TFCP2: variants seen among roughly 807,000 people sequenced by gnomAD.
TFCP2 encodes transcription factor CP2, also known as alpha-globin transcription factor CP2.
TFCP2 carries 33 observed loss-of-function variants against 73.4 expected under a neutral mutation model. That is an observed-to-expected ratio of 0.45 (90% CI 0.34 to 0.60). The LOEUF (loss-of-function observed/expected upper bound fraction) is 0.60. Among genes scored for constraint, TFCP2 ranks in the 20% least tolerant of loss-of-function variants. The pLI, the probability that TFCP2 is intolerant of heterozygous loss-of-function variation, is 0.01. For synonymous variants in TFCP2, 193 were observed against 211.6 expected (o/e 0.91, Z 0.76); for missense variants, 352 against 604.0 (o/e 0.58, Z 4.37).
intron 6 of TFCP2, among the ~76,000 whole-genome samples, chr12:51,108,602 C>T (rs184450461): frequency 5.3e-5 from 8 of 152,002 alleles, no homozygotes; most frequent in African/African-American, 1.7e-4. Context: ...GGCAAGACCC[C>T]CTCTCTATAA....
In TFCP2 at chr12:51,132,662, C is replaced by T. The variant is rs186264642; in HGVS notation, c.123-13890G>A. Among the ~76,000 whole-genome samples the T allele has an allele frequency of 1.4e-3, 217 of 152,154 alleles. 1 individual carries two copies. In the Middle Eastern group the frequency reaches 0.024, roughly 17 times the overall value. On this transcript the variant is annotated intron_variant, in intron 1 of 14. Coordinates refer to ENST00000257915, the MANE Select transcript of TFCP2 (RefSeq NM_005653.5). ...GGGATTACAGGCATGAGCCACCGTG[C>T]CCGGCCGGGTCTAGTCTTTAAGAAG...
intron 1 of TFCP2, among the ~76,000 whole-genome samples, chr12:51,128,186 T>C (rs1171044154): frequency 1.3e-5 from 2 of 152,078 alleles, no homozygotes; most frequent in Admixed American, 1.3e-4. Flanking sequence ...CCCAAAGTGC[T>C]GGGATTGCAG....
chr12:51,141,072 A>T (rs550657368), intron 1 of TFCP2, among the ~76,000 whole-genome samples: 80 of 141,864 alleles, frequency 5.6e-4, no homozygotes, highest in African/African-American at 2.1e-3. Flanking sequence ...ACAAATAATG[A>T]TAATAATAAT....
intron 1 of TFCP2, among the ~76,000 whole-genome samples, chr12:51,168,947 A>C (rs1302608206): frequency 6.6e-6 from 1 of 151,822 alleles, no homozygotes; most frequent in African/African-American, 2.4e-5. Context: ...GATTACAGGC[A>C]TGCACCACCA....
At chr12:51,148,115 A>G (rs1941337275) in intron 1 of TFCP2, among the ~76,000 whole-genome samples, 1 of 152,144 alleles carries the variant, frequency 6.6e-6, no homozygotes, top group Non-Finnish European at 1.5e-5. Flanking sequence ...GAATAGCCAT[A>G]ATCAAAAAAT....
At chr12:51,096,924 G>T (rs1212308519) in intron 13 of TFCP2, among the ~76,000 whole-genome samples, 1 of 151,546 alleles carries the variant, frequency 6.6e-6, no homozygotes, top group Non-Finnish European at 1.5e-5. Flanking sequence ...CAATTTCATC[G>T]AACTCATTCA....
intron 1 of TFCP2, among the ~76,000 whole-genome samples, chr12:51,126,270 A>T (rs992726886): frequency 6.6e-6 from 1 of 151,764 alleles, no homozygotes; most frequent in African/African-American, 2.4e-5. Flanking sequence ...AAGATATAGA[A>T]ATCATACCTG....
chr12:51,110,857 C>A lies in TFCP2; in HGVS notation c.564+20G>T. 2 of 1,523,662 alleles carry A rather than the reference C, an allele frequency of 1.3e-6. No individual in the cohort carries two copies. The highest frequency in any genetic ancestry group is 1.8e-6 in the Non-Finnish European group (2 of 1,098,446). 94.4% of individuals were successfully genotyped at this position (1,523,662 alleles called of 1,614,324 possible). ...AGAGAGATACTCTTCAAAACTGGAA[C>A]CCTATCTGCAACGCCTTACCTGAAT... On this transcript the variant is annotated intron_variant, in intron 5 of 14. Coordinates refer to ENST00000257915, the MANE Select transcript of TFCP2 (RefSeq NM_005653.5).
At chr12:51,116,244 T>C (rs1332085843) in intron 4 of TFCP2, 71 bp downstream of exon 4, 2 of 727,946 alleles carry the variant, frequency 2.7e-6, no homozygotes, top group African/African-American at 1.8e-5. Context: ...AAGGTAAATG[T>C]CAAATAAAGA....
chr12:51,160,495 GA>G (rs1238300516), intron 1 of TFCP2, among the ~76,000 whole-genome samples: 1 of 151,748 alleles, frequency 6.6e-6, no homozygotes, highest in Non-Finnish European at 1.5e-5. Context: ...TCTTTTAAGT[GA>G]AAAAAACATA....
chr12:51,109,372 CATT>C, intron 5 of TFCP2, 99 bp from the exon 6 acceptor site: 1 of 1,207,152 alleles, frequency 8.3e-7, no homozygotes, highest in Admixed American at 2.1e-5. Flanking sequence ...CTTTACCAGG[CATT>C]ATGAATACCT....
intron 1 of TFCP2, among the ~76,000 whole-genome samples, chr12:51,128,979 C>A (rs1464783263): frequency 6.6e-6 from 1 of 151,950 alleles, no homozygotes; most frequent in African/African-American, 2.4e-5. Flanking sequence ...AATATAAAGT[C>A]ATAAGCTTAG....
chr12:51,110,905 G>A lies in TFCP2; in HGVS notation c.536C>T (p.Pro179Leu). 2 of 1,613,934 alleles carry A rather than the reference G, an allele frequency of 1.2e-6. No homozygotes were observed. The highest frequency in any genetic ancestry group is 2.2e-5 in the South Asian group (2 of 91,070). Residue 179 changes from proline to leucine, a missense_variant, in exon 5 of 15, where the codon CCT (proline) becomes CTT (leucine). This residue lies in a region of TFCP2 where 31 missense variants were observed against 43.7 expected (regional missense o/e 0.71). Transcript: ENST00000257915. ...AATAAACACAGATGTCCTCTTTGCAGGGTCCCACAGGAACTCCACTGTATT... is the reference window on the plus strand; with the variant it reads ...AATAAACACAGATGTCCTCTTTGCAAGGTCCCACAGGAACTCCACTGTATT... Reference protein sequence around the residue: ...QLNTVEFLWDPAKRTSVFIQV... With the variant: ...QLNTVEFLWDLAKRTSVFIQV...
chr12:51,143,836 T>G (rs1356638786), intron 1 of TFCP2, among the ~76,000 whole-genome samples: 1 of 152,090 alleles, frequency 6.6e-6, no homozygotes, highest in South Asian at 2.1e-4. Context: ...AATGAGAATT[T>G]GACCCAGCAA....
Position 51,172,579 on chromosome 12 carries a change from G to A in TFCP2, c.-157C>T. 1 of 903,454 alleles carries A rather than the reference G, an allele frequency of 1.1e-6. No individual in the cohort carries two copies. Among genetic ancestry groups the A allele is most frequent in the Non-Finnish European group, 1.6e-6 (1 of 610,014 alleles). 56.0% of individuals were successfully genotyped at this position (903,454 alleles called of 1,614,324 possible). A position where few individuals can be genotyped will look rare whatever the true frequency, so the allele number is the denominator to read the frequency against. On this transcript the variant is annotated 5_prime_UTR_variant, in exon 1 of 15. Transcript: ENST00000257915. ...CCCCAAGCCCGACCAGCACTGCTCT[G>A]TGCACAACTAATCTCCCGTACCCTT...
chr12:51,108,122 T>C (rs1356792210), intron 6 of TFCP2, among the ~76,000 whole-genome samples: 1 of 150,292 alleles, frequency 6.7e-6, no homozygotes, highest in Non-Finnish European at 1.5e-5. Flanking sequence ...CTGTCTCTAC[T>C]AAAAATACAA....
At chr12:51,150,597 C>G (rs142772863) in intron 1 of TFCP2, among the ~76,000 whole-genome samples, 1 of 151,902 alleles carries the variant, frequency 6.6e-6, no homozygotes, top group East Asian at 1.9e-4. Flanking sequence ...AACAACTGAC[C>G]AACTCTGAGA....
Position 51,118,700 on chromosome 12 carries a change from C to T in TFCP2, c.195G>A (p.Leu65=). 2 of 1,614,128 alleles carry T rather than the reference C, an allele frequency of 1.2e-6. No homozygotes were observed. Among genetic ancestry groups the T allele is most frequent in the Non-Finnish European group, 1.7e-6 (2 of 1,180,040 alleles). Residue 65 remains leucine (L), a synonymous_variant, in exon 2 of 15, where the codon CTG becomes CTA. Coordinates refer to ENST00000257915, the MANE Select transcript of TFCP2 (RefSeq NM_005653.5). ...SLPPDNENKI[L]PFQYVLCAAT... ...CAGCACAAAGCACATATTGAAAAGG[C>T]AGGATTTTATTCTCATTATCAGGAG...
At chr12:51,116,204 T>C (rs535777766) in intron 4 of TFCP2, 111 bp downstream of exon 4, 86 of 476,476 alleles carry the variant, frequency 1.8e-4, no homozygotes, top group Non-Finnish European at 2.9e-4. Flanking sequence ...TCAAGGTTTA[T>C]ACTAATTGAG....
Sources: allele counts gnomAD v4.1 joint callset (sites outside exome capture counted in the v4.1 genomes callset), GRCh38; gene constraint gnomAD v4.1.1; regional missense constraint gnomAD v4.1.1; transcripts MANE v1.5; gene names NCBI Gene and HGNC (gene_info 2026-07-23, HGNC 2026-07-21).